The following PRR33 variants were observed in gnomAD, a reference collection of about 807,000 sequenced individuals.
PRR33 encodes the protein proline rich 33, also known as proline-rich protein 33.
PRR33 carries 1 observed loss-of-function variant against 0.5 expected under a neutral mutation model. The observed-to-expected ratio is 2.18, with a 90% CI of 0.77 to 10.34. The LOEUF (loss-of-function observed/expected upper bound fraction) is 10.34, where lower values mean the gene tolerates loss of function less well. Ranked by LOEUF, PRR33 falls within the 30% of genes most tolerant of loss-of-function variation. PRR33 has a pLI of 0.13. For missense variants in PRR33, 552 were observed against 251.8 expected, an observed-to-expected ratio of 2.19 and a Z score of -8.07; for synonymous variants, 226 against 110.0, an observed-to-expected ratio of 2.06 and a Z score of -6.60.
At chr11:1,916,782 G>A in the PRR33 span, among the ~76,000 whole-genome samples, 1 of 152,190 alleles carries the variant, frequency 6.6e-6, no homozygotes. Context: ...CAGCCCTGCT[G>A]TGTTTCTGAT....
At chr11:1,914,853 CTGTGTG>C in the PRR33 span, among the ~76,000 whole-genome samples, 68 of 125,466 alleles carry the variant, frequency 5.4e-4, no homozygotes, top group South Asian at 2.7e-3. Flanking sequence ...GGAGATGTTT[CTGTGTG>C]TGTGTGTGTG....
At chr11:1,914,874 T>TGG in the PRR33 span, among the ~76,000 whole-genome samples, 1 of 149,050 alleles carries the variant, frequency 6.7e-6, no homozygotes, top group Non-Finnish European at 1.5e-5. Flanking sequence ...TGTGTGTGTG[T>TGG]GTGTGTTGTG....
chr11:1,911,171 G>A, the PRR33 span, among the ~76,000 whole-genome samples: 5 of 152,120 alleles, frequency 3.3e-5, no homozygotes, highest in East Asian at 1.9e-4. Context: ...CTAGCCGGGC[G>A]CAGTGGCTCA....
At chr11:1,904,255 G>A in the PRR33 span, among the ~76,000 whole-genome samples, 2 of 152,208 alleles carry the variant, frequency 1.3e-5, no homozygotes, top group East Asian at 1.9e-4. Flanking sequence ...TTGGCCGGGC[G>A]CAGTGGCTCA....
rs11041692 is a variant in PRR33 at position 1,889,885 on chromosome 11, T to A, written c.700A>T (p.Thr234Ser). ...GGCAAGGGACTGGCAGCCTGGACTGTGGTGGGCAGTGGGCGGATGTGAGCC... is the reference window on the plus strand; with the variant it reads ...GGCAAGGGACTGGCAGCCTGGACTGAGGTGGGCAGTGGGCGGATGTGAGCC... The change falls in exon 1 of 1, where the codon ACA (threonine) becomes TCA (serine). Residue 234 changes from threonine (T) to serine (S), a missense_variant. Coordinates refer to ENST00000640310, the Ensembl canonical transcript of PRR33. 4.8e-6 allele frequency: 3 copies of A among 627,376 alleles called. No homozygotes were observed. In the African/African-American group the frequency reaches 5.5e-5, roughly 12 times the overall value. The allele number at this position is 627,376 out of a possible 1,614,324, so 38.9% of individuals were successfully genotyped here. A position where few individuals can be genotyped will look rare whatever the true frequency, so the allele number is the denominator to read the frequency against.
At chr11:1,909,844 C>T in the PRR33 span, among the ~76,000 whole-genome samples, 1 of 152,202 alleles carries the variant, frequency 6.6e-6, no homozygotes, top group Non-Finnish European at 1.5e-5. Context: ...GTTGAGGGCT[C>T]TGTGCAGCTC....
At chr11:1,889,531 C>T in exon 1 of PRR33, 1 of 614,052 alleles carries the variant, frequency 1.6e-6, no homozygotes, top group Non-Finnish European at 3.0e-6. Flanking sequence ...GGCTCTGGGG[C>T]CTCCTCCAGC....
chr11:1,889,972 A>T (rs1848924076), exon 1 of PRR33: 2 of 631,476 alleles, frequency 3.2e-6, no homozygotes, highest in Non-Finnish European at 5.8e-6. Context: ...TGGCTGTTGG[A>T]TCCCACTTCT....
At chr11:1,895,768 A>G (rs1849117596), upstream of PRR33, among the ~76,000 whole-genome samples, 2 of 152,212 alleles carry the variant, frequency 1.3e-5, no homozygotes, top group Non-Finnish European at 2.9e-5. Context: ...ATGGAGATCC[A>G]GTTGTTCCAG....
At chr11:1,888,952 G>A (rs566269773) in exon 1 of PRR33, 51 of 505,986 alleles carry the variant, frequency 1.0e-4, no homozygotes, top group East Asian at 7.5e-4. Context: ...TCTCTGCCCC[G>A]TCCACCTGAC....
chr11:1,914,079 C>T, the PRR33 span, among the ~76,000 whole-genome samples: 1 of 152,266 alleles, frequency 6.6e-6, no homozygotes, highest in African/African-American at 2.4e-5. Context: ...CCCGGGCGTA[C>T]CCCGGTTCCC....
the PRR33 span, among the ~76,000 whole-genome samples, chr11:1,901,044 G>T: frequency 3.9e-5 from 6 of 152,210 alleles, no homozygotes; most frequent in Admixed American, 1.3e-4. Flanking sequence ...AGGCACGGTG[G>T]CTTACGCCTG....
At chr11:1,898,468 G>A in the PRR33 span, among the ~76,000 whole-genome samples, 1 of 151,908 alleles carries the variant, frequency 6.6e-6, no homozygotes, top group Admixed American at 6.6e-5. Context: ...ATCTCTTGAC[G>A]TTGTGATCCA....
the PRR33 span, among the ~76,000 whole-genome samples, chr11:1,912,491 G>A: frequency 2.2e-4 from 33 of 152,080 alleles, no homozygotes; most frequent in Non-Finnish European, 4.1e-4. Flanking sequence ...TGCAGCCTTC[G>A]TCATTACGTT....
upstream of PRR33, among the ~76,000 whole-genome samples, chr11:1,894,116 G>A (rs1199478146): frequency 2.3e-4 from 7 of 30,924 alleles, no homozygotes; most frequent in African/African-American, 8.2e-4. Context: ...GGGAGTGTGT[G>A]TGTGTTTGTG....
chr11:1,904,788 C>T, the PRR33 span, among the ~76,000 whole-genome samples: 1 of 151,696 alleles, frequency 6.6e-6, no homozygotes, highest in South Asian at 2.1e-4. Context: ...GGATTACAGG[C>T]GAGAGCCACT....
At chr11:1,890,651 T>G in exon 1 of PRR33, 1 of 658,662 alleles carries the variant, frequency 1.5e-6, no homozygotes, top group Admixed American at 2.1e-5. Context: ...GTGGGAGGCC[T>G]GTGTCTCCTG....
At chr11:1,902,750 C>A in the PRR33 span, 44 of 152,242 alleles carry the variant, frequency 2.9e-4, no homozygotes, top group African/African-American at 1.0e-3. Flanking sequence ...AAAGCAAAAA[C>A]AAGTTTACTA....
the PRR33 span, among the ~76,000 whole-genome samples, chr11:1,913,967 G>A: frequency 1.2e-4 from 18 of 152,256 alleles, no homozygotes; most frequent in Non-Finnish European, 2.2e-4. Flanking sequence ...CCACCTCTGT[G>A]CCCAGCATAG....
Sources: gnomAD v4.1 joint callset for allele counts (sites outside exome capture counted in the v4.1 genomes callset) on GRCh38, gnomAD v4.1.1 for gene constraint, MANE v1.5 for transcripts, NCBI Gene and HGNC (gene_info 2026-07-23, HGNC 2026-07-21) for gene names.